The following RBPMS variants were observed in gnomAD, a reference collection of about 807,000 sequenced individuals.
RBPMS encodes the protein RNA-binding protein with multiple splicing.
Under a neutral mutation model 26.8 loss-of-function variants are expected in RBPMS, and 7 were observed. The observed-to-expected ratio is 0.26, with a 90% CI of 0.15 to 0.49. The LOEUF is 0.49. Ranked by LOEUF, RBPMS falls within the 20% of genes least tolerant of loss-of-function variation. The pLI, the probability that RBPMS is intolerant of heterozygous loss-of-function variation, is 0.98. For missense variants in RBPMS, 186 were observed against 250.0 expected, an observed-to-expected ratio of 0.74 and a Z score of 1.73; for synonymous variants, 96 against 93.3, an observed-to-expected ratio of 1.03 and a Z score of -0.17.
chr8:30,483,560 A>G (rs558180632), intron 4 of RBPMS, among the ~76,000 whole-genome samples: 4 of 152,244 alleles, frequency 2.6e-5, no homozygotes, highest in South Asian at 2.1e-4. Context: ...AAAATTTTCA[A>G]TTCAATGGCT....
chr8:30,444,545 C>G (rs1400500571), intron 1 of RBPMS: 1 of 152,150 alleles, frequency 6.6e-6, no homozygotes, highest in Admixed American at 6.5e-5. Context: ...CTGAATTCTT[C>G]CTATACTTTA....
At chr8:30,513,794 C>T (rs80069709) in intron 5 of RBPMS, among the ~76,000 whole-genome samples, 110 of 152,272 alleles carry the variant, frequency 7.2e-4, no homozygotes, top group Middle Eastern at 3.4e-3. Flanking sequence ...ATGACCATTT[C>T]TCACCTCACT....
intron 1 of RBPMS, among the ~76,000 whole-genome samples, chr8:30,432,571 G>A (rs1009021166): frequency 1.3e-5 from 2 of 152,030 alleles, no homozygotes; most frequent in African/African-American, 4.8e-5. Flanking sequence ...CCTTCCTATC[G>A]CAACTACCTC....
intron 4 of RBPMS, among the ~76,000 whole-genome samples, chr8:30,484,653 T>G (rs1317512212): frequency 6.6e-6 from 1 of 152,146 alleles, no homozygotes; most frequent in African/African-American, 2.4e-5. Context: ...ATTGAAAAAT[T>G]TTGATTCAAT....
intron 1 of RBPMS, among the ~76,000 whole-genome samples, chr8:30,456,173 T>C (rs897736913): frequency 1.3e-4 from 20 of 152,352 alleles, no homozygotes; most frequent in Non-Finnish European, 2.4e-4. Flanking sequence ...ATTTATCTGA[T>C]ATTTGTTGTT....
chr8:30,516,788 G>A (rs941537134), intron 5 of RBPMS, among the ~76,000 whole-genome samples: 1 of 152,014 alleles, frequency 6.6e-6, no homozygotes, highest in Non-Finnish European at 1.5e-5. Context: ...CAGCTACTCA[G>A]GAGGCTAAAG....
chr8:30,434,499 T>C (rs1812242401), intron 1 of RBPMS, among the ~76,000 whole-genome samples: 1 of 151,824 alleles, frequency 6.6e-6, no homozygotes, highest in Admixed American at 6.6e-5. Context: ...AGGTCAGAAG[T>C]TCGAGACCAG....
At chr8:30,443,516 A>G (rs1273699866) in intron 1 of RBPMS, among the ~76,000 whole-genome samples, 2 of 152,098 alleles carry the variant, frequency 1.3e-5, no homozygotes, top group African/African-American at 2.4e-5. Flanking sequence ...GGTAGGGGGA[A>G]TTGGGTAGAT....
intron 6 of RBPMS, among the ~76,000 whole-genome samples, chr8:30,549,758 T>C (rs1215962379): frequency 8.5e-5 from 9 of 105,540 alleles, no homozygotes; most frequent in Admixed American, 5.2e-4. Flanking sequence ...TTCCTTTTCT[T>C]TTCTTTTCTT....
chr8:30,409,919 C>T (rs1266487939), intron 1 of RBPMS, among the ~76,000 whole-genome samples: 1 of 152,170 alleles, frequency 6.6e-6, no homozygotes, highest in African/African-American at 2.4e-5. Flanking sequence ...GCGTGAGCCA[C>T]CGCACCCAGC....
chr8:30,420,726 A>C (rs960842213), intron 1 of RBPMS, among the ~76,000 whole-genome samples: 1 of 152,242 alleles, frequency 6.6e-6, no homozygotes, highest in African/African-American at 2.4e-5. Context: ...CAGGGAATCA[A>C]CCTATTAGAC....
intron 5 of RBPMS, among the ~76,000 whole-genome samples, chr8:30,542,779 T>G (rs1825517846): frequency 6.6e-6 from 1 of 152,194 alleles, no homozygotes; most frequent in South Asian, 2.1e-4. Context: ...CCCACGTGAG[T>G]TACTCTGGAA....
intron 6 of RBPMS, chr8:30,549,669 G>A: frequency 2.0e-6 from 2 of 1,024,340 alleles, no homozygotes; most frequent in Non-Finnish European, 3.1e-6. Context: ...CACAGCGCCA[G>A]CCTCCTGTGA....
chr8:30,453,796 C>T (rs1814891852), intron 1 of RBPMS: 1 of 152,192 alleles, frequency 6.6e-6, no homozygotes, highest in South Asian at 2.1e-4. Flanking sequence ...ACAATCTCAT[C>T]TCAGTGGGAG....
intron 6 of RBPMS, 98 bp downstream of exon 6, chr8:30,544,722 C>A (rs761333104): frequency 6.2e-7 from 1 of 1,602,418 alleles, no homozygotes; most frequent in East Asian, 2.2e-5. Context: ...ACCTATCCAG[C>A]TAACAGATCC....
chr8:30,437,494 A>G (rs1812600831), intron 1 of RBPMS, among the ~76,000 whole-genome samples: 1 of 151,866 alleles, frequency 6.6e-6, no homozygotes, highest in Admixed American at 6.6e-5. Flanking sequence ...ATCTCTACTA[A>G]AAATGCAAAA....
intron 1 of RBPMS, among the ~76,000 whole-genome samples, chr8:30,457,236 T>G (rs1585531643): frequency 6.6e-6 from 1 of 152,194 alleles, no homozygotes; most frequent in East Asian, 1.9e-4. Flanking sequence ...TGTTTGAAAT[T>G]CACAAAATGG....
At chr8:30,570,284 CTGAT>C (rs754356251) in intron 8 of RBPMS, among the ~76,000 whole-genome samples, 7 of 152,204 alleles carry the variant, frequency 4.6e-5, no homozygotes, top group Non-Finnish European at 7.3e-5. Context: ...GTATGCTGAG[CTGAT>C]TGATTGCCTT....
At chr8:30,471,771 A>G (rs981954953) in intron 1 of RBPMS, among the ~76,000 whole-genome samples, 1 of 152,164 alleles carries the variant, frequency 6.6e-6, no homozygotes, top group Non-Finnish European at 1.5e-5. Context: ...TATCTTTGAC[A>G]CTTGTCAGCA....
Sources: allele counts gnomAD v4.1 joint callset (sites outside exome capture counted in the v4.1 genomes callset), GRCh38; gene constraint gnomAD v4.1.1; transcripts MANE v1.5; gene names NCBI Gene and HGNC (gene_info 2026-07-23, HGNC 2026-07-21).